HACD4: variants seen among roughly 807,000 people sequenced by gnomAD.
HACD4 encodes 3-hydroxyacyl-CoA dehydratase 4.
Under a neutral mutation model 33.3 loss-of-function variants are expected in HACD4, and 35 were observed. That is an observed-to-expected ratio of 1.05 (90% CI 0.80 to 1.39). HACD4 has a LOEUF of 1.39. Among genes scored for constraint, HACD4 ranks in the 40% most tolerant of loss-of-function variants. The pLI is 0.00. For missense variants in HACD4, 323 were observed against 276.5 expected, an observed-to-expected ratio of 1.17 and a Z score of -1.19; for synonymous variants, 118 against 98.0, an observed-to-expected ratio of 1.20 and a Z score of -1.21.
chr9:20,999,975 T>C lies in HACD4; in HGVS notation c.*7062A>G, dbSNP rs1842142235. The C allele has an allele frequency of 1.3e-5, 2 of 152,172 alleles. No homozygotes were observed. The highest frequency in any genetic ancestry group is 1.5e-5 in the Non-Finnish European group (1 of 68,002). The allele number at this position is 152,172 out of a possible 1,614,324, so 9.4% of individuals were successfully genotyped here. On this transcript the variant is annotated 3_prime_UTR_variant, in exon 7 of 7. Transcript: ENST00000495827. Reference sequence around the variant, plus strand: ...TGTCATTTAGTCTTCATAATAACTTTAAGTGGTTAAGGAAACTGGAACTCA... The same window carrying C: ...TGTCATTTAGTCTTCATAATAACTTCAAGTGGTTAAGGAAACTGGAACTCA...
intron 3 of HACD4, among the ~76,000 whole-genome samples, chr9:21,022,226 C>G (rs1005579833): frequency 6.6e-6 from 1 of 152,140 alleles, no homozygotes; most frequent in Non-Finnish European, 1.5e-5. Context: ...AAAATTAATT[C>G]ACGATGTATT....
intron 6 of HACD4, among the ~76,000 whole-genome samples, chr9:21,007,651 A>G (rs1334284362): frequency 6.6e-6 from 1 of 152,210 alleles, no homozygotes; most frequent in African/African-American, 2.4e-5. Context: ...AAAGCCAAAC[A>G]AACAAGAAAC....
At chr9:21,024,985 A>C (rs187505901) in intron 3 of HACD4, among the ~76,000 whole-genome samples, 15 of 152,286 alleles carry the variant, frequency 9.8e-5, no homozygotes, top group Admixed American at 7.8e-4. Context: ...GTTGTTTCAA[A>C]GTACACCACA....
At chr9:21,021,781 T>C (rs1402589176) in intron 3 of HACD4, among the ~76,000 whole-genome samples, 4 of 152,028 alleles carry the variant, frequency 2.6e-5, no homozygotes, top group Admixed American at 6.5e-5. Flanking sequence ...GAAGAATCAA[T>C]ATCGTGAAAA....
chr9:21,008,063 A>G lies in HACD4; in HGVS notation c.574T>C (p.Phe192Leu). 6.2e-7 allele frequency: 1 copy of G among 1,612,000 alleles called. No homozygotes were observed. The highest frequency in any genetic ancestry group is 8.5e-7 in the Non-Finnish European group (1 of 1,178,912). The change falls in exon 6 of 7, where the codon TTC becomes CTC. Residue 192 changes from phenylalanine to leucine, a missense_variant. By Grantham distance (22) the Phe-to-Leu change is conservative. Coordinates refer to ENST00000495827, the MANE Select transcript of HACD4 (RefSeq NM_001010915.5). ...TKLPFDLSIY[F>L]PYVLKIYLMM... is the part of the protein sequence containing the mutation. ...AGATATATTTTCAGCACATATGGGA[A>G]ATAGATGGATAAGTCAAAGGGCAGC...
rs568372859 is a variant in HACD4, at chr9:21,001,050, C to T, written c.*5987G>A. 1.4e-4 allele frequency: 21 copies of T among 151,840 alleles called. No homozygotes were observed. Among genetic ancestry groups the T allele is most frequent in the Non-Finnish European group, 3.1e-4 (21 of 67,888 alleles). 9.4% of individuals were successfully genotyped at this position (151,840 alleles called of 1,614,324 possible). A position where few individuals can be genotyped will look rare whatever the true frequency, so the allele number is the denominator to read the frequency against. On this transcript the variant is annotated 3_prime_UTR_variant, in exon 7 of 7. Transcript: ENST00000495827. ...TTCAGCAAAAAAATAACAAGGCATA[C>T]AAAGAAACAGGAAAGTATGTCCCTT... is the stretch of plus-strand genomic sequence containing the variant.
At chr9:21,011,483 C>T (rs1842433795) in intron 5 of HACD4, 106 bp downstream of exon 5, 7 of 718,478 alleles carry the variant, frequency 9.7e-6, no homozygotes, top group African/African-American at 1.8e-5. Context: ...ACTGAGTGAG[C>T]TAAGCATTCG....
intron 3 of HACD4, among the ~76,000 whole-genome samples, chr9:21,026,139 G>GT (rs1174833692): frequency 6.6e-6 from 1 of 152,160 alleles, no homozygotes; most frequent in Non-Finnish European, 1.5e-5. Context: ...GAAGCCTTTT[G>GT]TTTTTTAATC....
At position 21,006,505 on chromosome 9, in the gene HACD4, A is replaced by C. The variant is rs1168408976; in HGVS notation, c.*532T>G. On this transcript the variant is annotated 3_prime_UTR_variant, in exon 7 of 7. Transcript: ENST00000495827. The surrounding 1 kb of genome is among the most constrained non-coding windows in gnomAD (Gnocchi z 4.6). ...CCTGAGCTAAGACATAGGGCTTGGAAAGATATTTAATTTTCTAAACATATC... is the reference window on the plus strand; with the variant it reads ...CCTGAGCTAAGACATAGGGCTTGGACAGATATTTAATTTTCTAAACATATC... The C allele has an allele frequency of 6.1e-6, 1 of 164,644 alleles. No homozygotes were observed. Among genetic ancestry groups the C allele is most frequent in the Non-Finnish European group, 1.3e-5 (1 of 77,366 alleles). 10.2% of individuals were successfully genotyped at this position (164,644 alleles called of 1,614,324 possible).
At chr9:21,021,549 A>C (rs1817912750) in intron 3 of HACD4, among the ~76,000 whole-genome samples, 1 of 152,224 alleles carries the variant, frequency 6.6e-6, no homozygotes, top group South Asian at 2.1e-4. Context: ...TACAGAATCA[A>C]TGCGCAAAAC....
In HACD4 at chr9:21,015,975, G is replaced by A; in HGVS notation, c.306C>T (p.Ile102=). 1 of 1,612,780 alleles carries A rather than the reference G, an allele frequency of 6.2e-7. No homozygotes were observed. Among genetic ancestry groups the A allele is most frequent in the South Asian group, 1.1e-5 (1 of 91,022 alleles). The change falls in exon 4 of 7, where the codon ATC becomes ATT. Residue 102 remains isoleucine (I), a synonymous_variant. Coordinates refer to ENST00000495827, the MANE Select transcript of HACD4 (RefSeq NM_001010915.5). ...TERIIILFVV[I]TSQEEVQEKY... ...TCTCTTGGACTTCCTCTTGACTGGTGATCACCACAAAAAGGATGATTATTC... is the reference window on the plus strand; with the variant it reads ...TCTCTTGGACTTCCTCTTGACTGGTAATCACCACAAAAAGGATGATTATTC...
intron 2 of HACD4, among the ~76,000 whole-genome samples, chr9:21,027,462 C>A (rs1818091570): frequency 6.6e-6 from 1 of 152,130 alleles, no homozygotes; most frequent in Non-Finnish European, 1.5e-5. Flanking sequence ...TCTTTACTGC[C>A]CAGTGATGAT....
intron 3 of HACD4, among the ~76,000 whole-genome samples, chr9:21,023,226 G>C (rs1393511685): frequency 1.5e-5 from 2 of 134,464 alleles, no homozygotes; most frequent in African/African-American, 5.5e-5. Context: ...TGTGGGGTGG[G>C]GGGAGGGGGG....
At chr9:21,011,831 G>A in intron 4 of HACD4, 136 bp from the exon 5 acceptor site, 1 of 567,234 alleles carries the variant, frequency 1.8e-6, no homozygotes, top group Non-Finnish European at 3.1e-6. Flanking sequence ...ATAATTTAAG[G>A]AAGAGTTTTT....
rs57245979 is a variant in HACD4 at position 21,030,269 on chromosome 9, C to CAA, written c.39-873_39-872dup. On this transcript the variant is annotated intron_variant, in intron 1 of 6. Coordinates refer to ENST00000495827, the MANE Select transcript of HACD4 (RefSeq NM_001010915.5). The stretch of plus-strand genomic sequence containing the variant: ...CCAGCCTGGCCAACATGGCAACTTA[C>CAA]AAAAAAAAAAAAAAAAAAGCCGGAT... Among the ~76,000 whole-genome samples, 775 of 110,864 alleles carry CAA rather than the reference C, an allele frequency of 7.0e-3. 8 individuals are homozygous for CAA. Among genetic ancestry groups the CAA allele is most frequent in the African/African-American group, 0.018 (478 of 26,242 alleles). 72.7% of individuals were successfully genotyped at this position (110,864 alleles called of 152,430 possible). A position where few individuals can be genotyped will look rare whatever the true frequency, so the allele number is the denominator to read the frequency against.
intron 3 of HACD4, among the ~76,000 whole-genome samples, chr9:21,025,889 T>A (rs897205788): frequency 6.6e-6 from 1 of 152,248 alleles, no homozygotes; most frequent in Non-Finnish European, 1.5e-5. Context: ...AGATACATGT[T>A]ATTTTCATAT....
chr9:21,009,591 A>G (rs1280531868), intron 5 of HACD4, among the ~76,000 whole-genome samples: 1 of 152,148 alleles, frequency 6.6e-6, no homozygotes, highest in Admixed American at 6.5e-5. Context: ...ATGAAGCACA[A>G]TGTGATATTT....
intron 1 of HACD4, 21 bp from the exon 2 acceptor site, chr9:21,029,419 C>A: frequency 7.3e-7 from 1 of 1,361,936 alleles, no homozygotes; most frequent in South Asian, 1.2e-5. Context: ...AGGAAAATAC[C>A]ATTAAACACT....
At position 21,006,033 on chromosome 9, in the gene HACD4, A is replaced by ACTT. The variant is rs1842260676; in HGVS notation, c.*1001_*1003dup. 1 of 152,096 alleles carries ACTT rather than the reference A, an allele frequency of 6.6e-6. No homozygotes were observed. The highest frequency in any genetic ancestry group is 2.1e-4 in the South Asian group (1 of 4,830). The allele number at this position is 152,096 out of a possible 1,614,324, so 9.4% of individuals were successfully genotyped here. A position where few individuals can be genotyped will look rare whatever the true frequency, so the allele number is the denominator to read the frequency against. On this transcript the variant is annotated 3_prime_UTR_variant, in exon 7 of 7. Coordinates refer to ENST00000495827, the MANE Select transcript of HACD4 (RefSeq NM_001010915.5). This position sits in a 1 kb window ranked among gnomAD's most constrained non-coding sequence, Gnocchi z 4.6. ...ACATCTGATTTAGACGAGACTTTGG[A>ACTT]CTTTAGAGTTGATGCAGGAATGAGT...
Sources: allele counts gnomAD v4.1 joint callset (sites outside exome capture counted in the v4.1 genomes callset), GRCh38; gene constraint gnomAD v4.1.1; non-coding constraint Gnocchi (gnomAD v3.1); transcripts MANE v1.5; gene names NCBI Gene and HGNC (gene_info 2026-07-23, HGNC 2026-07-21).